Variants in LONP1 observed in about 807,000 individuals in gnomAD.
LONP1 encodes lon protease homolog, mitochondrial.
LONP1 carries 31 observed loss-of-function variants against 98.5 expected under a neutral mutation model. The observed-to-expected ratio is 0.31, with a 90% CI of 0.24 to 0.42. LONP1 has a LOEUF of 0.42. LONP1 is among the 20% of genes least tolerant of loss of function. The pLI, the probability that LONP1 is intolerant of heterozygous loss-of-function variation, is 1.00. For synonymous variants in LONP1, 781 were observed against 594.7 expected, an observed-to-expected ratio of 1.31 and a Z score of -4.56; for missense variants, 1,336 against 1,350.6, an observed-to-expected ratio of 0.99 and a Z score of 0.17.
chr19:5,698,646 ACCCCACCCC>A (rs2054986482), intron 10 of LONP1, among the ~76,000 whole-genome samples: 5 of 151,612 alleles, frequency 3.3e-5, no homozygotes, highest in Admixed American at 1.3e-4. Flanking sequence ...GGTGGAGCCG[ACCCCACCCC>A]TAGTCCTGGG....
intron 10 of LONP1, among the ~76,000 whole-genome samples, chr19:5,698,811 G>A (rs1027801855): frequency 1.3e-5 from 2 of 152,236 alleles, no homozygotes; most frequent in African/African-American, 4.8e-5. Context: ...CAGGGGTCAA[G>A]CCATGGAGGT....
intron 1 of LONP1, among the ~76,000 whole-genome samples, chr19:5,718,497 T>C (rs1356344588): frequency 7.0e-6 from 1 of 142,924 alleles, no homozygotes; most frequent in Non-Finnish European, 1.5e-5. Flanking sequence ...AAAAAAAAAA[T>C]CTTGGAGCAG....
chr19:5,696,245 C>T lies in LONP1; in HGVS notation c.1896+4G>A. On this transcript the variant is annotated splice_donor_region_variant and intron_variant, in intron 12 of 17. Coordinates refer to ENST00000360614, the MANE Select transcript of LONP1 (RefSeq NM_004793.4). ...CAAGCCCAGGCCCCAGACAGGCCCCCCACCTTGGACAAGTCCACGGGCACG... is the reference window on the plus strand; with the variant it reads ...CAAGCCCAGGCCCCAGACAGGCCCCTCACCTTGGACAAGTCCACGGGCACG... The T allele has an allele frequency of 6.2e-7, 1 of 1,613,170 alleles. No homozygotes were observed. The highest frequency in any genetic ancestry group is 8.5e-7 in the Non-Finnish European group (1 of 1,179,812).
chr19:5,712,133 A>C, intron 3 of LONP1, 131 bp from the exon 4 acceptor site: 2 of 702,858 alleles, frequency 2.8e-6, no homozygotes, highest in Non-Finnish European at 2.3e-6. Flanking sequence ...CAGGGTGGCT[A>C]CAGGGTCCTC....
intron 8 of LONP1, among the ~76,000 whole-genome samples, chr19:5,705,402 G>A (rs1393343401): frequency 2.0e-5 from 3 of 148,500 alleles, no homozygotes; most frequent in Admixed American, 1.4e-4. Context: ...AAGTTGCAGT[G>A]AGCCAAGATT....
intron 10 of LONP1, among the ~76,000 whole-genome samples, chr19:5,698,386 G>A (rs1040175313): frequency 1.3e-5 from 2 of 152,196 alleles, no homozygotes; most frequent in African/African-American, 4.8e-5. Context: ...CTGAGGCTAC[G>A]GTTTCCAAAG....
intron 1 of LONP1, among the ~76,000 whole-genome samples, chr19:5,715,644 A>T (rs1413855966): frequency 0.016 from 337 of 20,718 alleles, no homozygotes; most frequent in African/African-American, 0.058. Context: ...TCTGTCTCAT[A>T]AAAAAAAAAA....
At chr19:5,696,822 A>C (rs1599450249) in intron 10 of LONP1, 65 bp from the exon 11 acceptor site, 1 of 1,120,378 alleles carries the variant, frequency 8.9e-7, no homozygotes, top group Non-Finnish European at 1.3e-6. Context: ...GACACCATGC[A>C]CCCTCCAGGG....
rs772925690 is a variant in LONP1, at chr19:5,693,600, G to A, written c.2490C>T (p.Pro830=). The A allele has an allele frequency of 1.1e-5, 18 of 1,614,094 alleles. No individual in the cohort carries two copies. Among genetic ancestry groups the A allele is most frequent in the South Asian group, 2.2e-5 (2 of 91,084 alleles). The part of the protein sequence containing the change: ...FARAFLMQHA[P]ANDYLVTSHI... Reference sequence around the variant, plus strand: ...GTGAGGTCACCAGGTAGTCATTGGCGGGGGCGTGCTGCATGAGGAAGGCTC... The same window carrying A: ...GTGAGGTCACCAGGTAGTCATTGGCAGGGGCGTGCTGCATGAGGAAGGCTC... Residue 830 remains proline, a synonymous_variant, in exon 16 of 18, where the codon CCC becomes CCT. Coordinates refer to ENST00000360614, the MANE Select transcript of LONP1 (RefSeq NM_004793.4).
chr19:5,699,553 CTG>C (rs2055003986), intron 9 of LONP1, among the ~76,000 whole-genome samples: 2 of 137,878 alleles, frequency 1.5e-5, no homozygotes, highest in African/African-American at 5.5e-5. Flanking sequence ...CCTCTGGCTC[CTG>C]TTTTTTTTTT....
chr19:5,698,409 C>T (rs1338594377), intron 10 of LONP1, among the ~76,000 whole-genome samples: 1 of 152,238 alleles, frequency 6.6e-6, no homozygotes, highest in Non-Finnish European at 1.5e-5. Flanking sequence ...CCGCTGTCTA[C>T]AGAGGCTGGC....
At chr19:5,700,082 A>T (rs1204535672) in intron 9 of LONP1, among the ~76,000 whole-genome samples, 2 of 151,494 alleles carry the variant, frequency 1.3e-5, no homozygotes, top group Non-Finnish European at 2.9e-5. Flanking sequence ...GGGACTGCAG[A>T]CACGCAACAT....
rs138691525 is a variant in LONP1, at chr19:5,708,267, G to A, written c.932+75C>T. The A allele has an allele frequency of 1.0e-2, 14,474 of 1,451,424 alleles. 112 individuals are homozygous for A. The highest frequency in any genetic ancestry group is 0.012 in the Non-Finnish European group (12,099 of 1,049,124). 89.9% of individuals were successfully genotyped at this position (1,451,424 alleles called of 1,614,324 possible). A position where few individuals can be genotyped will look rare whatever the true frequency, so the allele number is the denominator to read the frequency against. On this transcript the variant is annotated intron_variant, in intron 5 of 17. Coordinates refer to ENST00000360614, the MANE Select transcript of LONP1 (RefSeq NM_004793.4). ...TTCCTCCCAGGAGGACGCTGAGGAA[G>A]CCCCCTACCCACCCAGCTGCAGAAA...
intron 17 of LONP1, among the ~76,000 whole-genome samples, chr19:5,692,631 A>T (rs188191463): frequency 4.6e-5 from 7 of 152,204 alleles, no homozygotes; most frequent in Admixed American, 1.3e-4. Flanking sequence ...ACATATCTGG[A>T]GTAGATGCCA....
In LONP1 at chr19:5,720,029, G is replaced by T; in HGVS notation, c.104C>A (p.Ala35Glu). Residue 35 changes from alanine to glutamate, a missense_variant, in exon 1 of 18, where the codon GCA becomes GAA. Ala to Glu is a moderately radical substitution (Grantham distance 107, BLOSUM62 -1). Coordinates refer to ENST00000360614, the MANE Select transcript of LONP1 (RefSeq NM_004793.4). ...CTGGCCTCGGAGCAACCACGCTCCTGCTGCAGTGGGAACCCGCCCCCCGGC... is the reference window on the plus strand; with the variant it reads ...CTGGCCTCGGAGCAACCACGCTCCTTCTGCAGTGGGAACCCGCCCCCCGGC... ...AAAGGRVPTA[A>E]GAWLLRGQRT... 1 of 1,560,712 alleles carries T rather than the reference G, an allele frequency of 6.4e-7. No individual in the cohort carries two copies.
chr19:5,693,292 ACT>A lies in LONP1; in HGVS notation c.2703+4_2703+5del. On this transcript the variant is annotated splice_donor_5th_base_variant and intron_variant, in intron 17 of 17. Coordinates refer to ENST00000360614, the MANE Select transcript of LONP1 (RefSeq NM_004793.4). Reference sequence around the variant, plus strand: ...AGTGCTGTGGGGTGGGTACAGGGACACTCACCGCAATGGTCTTCTCCTTGATG... The same window carrying A: ...AGTGCTGTGGGGTGGGTACAGGGACACACCGCAATGGTCTTCTCCTTGATG... 1 of 1,606,512 alleles carries A rather than the reference ACT, an allele frequency of 6.2e-7. No homozygotes were observed. Among genetic ancestry groups the A allele is most frequent in the Non-Finnish European group, 8.5e-7 (1 of 1,174,910 alleles).
At position 5,716,276 on chromosome 19, in the gene LONP1, A is replaced by G. The variant is rs1026581965; in HGVS notation, c.430-2005T>C. ...AAAATATACATATATATATATATAT[A>G]TATATATATATATATATATATATAG... On this transcript the variant is annotated intron_variant, in intron 1 of 17. Coordinates refer to ENST00000360614, the MANE Select transcript of LONP1 (RefSeq NM_004793.4). Among the ~76,000 whole-genome samples the G allele has an allele frequency of 1.3e-3, 110 of 84,738 alleles. 5 individuals carry two copies. Among genetic ancestry groups the G allele is most frequent in the African/African-American group, 4.1e-3 (107 of 26,136 alleles). 55.6% of individuals were successfully genotyped at this position (84,738 alleles called of 152,430 possible).
chr19:5,716,806 T>C (rs1187102200), intron 1 of LONP1, among the ~76,000 whole-genome samples: 1 of 152,192 alleles, frequency 6.6e-6, no homozygotes, highest in Non-Finnish European at 1.5e-5. Flanking sequence ...GAAGCAATTT[T>C]TTTTTAAGAC....
At chr19:5,694,091 C>T (rs1431469987) in intron 15 of LONP1, among the ~76,000 whole-genome samples, 1 of 152,214 alleles carries the variant, frequency 6.6e-6, no homozygotes, top group Non-Finnish European at 1.5e-5. Flanking sequence ...CCCCTTTGCC[C>T]TCTCGCCTCC....
Sources: allele counts gnomAD v4.1 joint callset (sites outside exome capture counted in the v4.1 genomes callset), GRCh38; gene constraint gnomAD v4.1.1; transcripts MANE v1.5; gene names NCBI Gene and HGNC (gene_info 2026-07-23, HGNC 2026-07-21).